DCAF6: variants seen among roughly 807,000 people sequenced by gnomAD.
DCAF6 encodes the protein DDB1- and CUL4-associated factor 6.
A neutral mutation model predicts 125.1 loss-of-function variants in DCAF6; 54 were observed. The observed-to-expected ratio is 0.43, with a 90% CI of 0.35 to 0.54. The LOEUF is 0.54. Among genes scored for constraint, DCAF6 ranks in the 20% least tolerant of loss-of-function variants. The pLI is 0.01. For synonymous variants in DCAF6, 371 were observed against 390.4 expected (o/e 0.95, Z 0.58); for missense variants, 934 against 1,161.7 (o/e 0.80, Z 2.85).
chr1:167,956,861 A>G (rs576241461), intron 2 of DCAF6, among the ~76,000 whole-genome samples: 4 of 152,142 alleles, frequency 2.6e-5, no homozygotes, highest in South Asian at 2.1e-4. Context: ...TAGTTTTCCA[A>G]CGTATCTTTA....
At chr1:167,964,563 A>C (rs570718129) in intron 2 of DCAF6, among the ~76,000 whole-genome samples, 2 of 152,260 alleles carry the variant, frequency 1.3e-5, no homozygotes, top group African/African-American at 4.8e-5. Flanking sequence ...CTCTGAGCTT[A>C]CTGGATCTAT....
chr1:168,023,968 T>C (rs955047633), intron 12 of DCAF6: 5 of 151,926 alleles, frequency 3.3e-5, no homozygotes, highest in Admixed American at 2.6e-4. Context: ...TAATCCCAGC[T>C]ACTTGGGAGG....
chr1:168,063,828 T>C (rs1691929763), intron 18 of DCAF6, 69 bp downstream of exon 18: 3 of 1,457,782 alleles, frequency 2.1e-6, no homozygotes, highest in Non-Finnish European at 2.8e-6. Flanking sequence ...TCCATAATGA[T>C]TTATCTTCAT....
At chr1:167,887,815 A>G in the DCAF6 span, among the ~76,000 whole-genome samples, 1 of 150,928 alleles carries the variant, frequency 6.6e-6, no homozygotes, top group Non-Finnish European at 1.5e-5. Flanking sequence ...CCATCTGTCC[A>G]TTTTTGCTTT....
chr1:168,012,093 G>A (rs1684376256), intron 10 of DCAF6, among the ~76,000 whole-genome samples: 1 of 152,184 alleles, frequency 6.6e-6, no homozygotes, highest in African/African-American at 2.4e-5. Context: ...ACCAGTCCCA[G>A]GAGAAAAAAT....
At chr1:168,043,653 T>A (rs951698674) in intron 14 of DCAF6, among the ~76,000 whole-genome samples, 2 of 152,148 alleles carry the variant, frequency 1.3e-5, no homozygotes, top group Non-Finnish European at 2.9e-5. Context: ...ACACAGTAGA[T>A]GTTCAATAAA....
chr1:167,950,125 A>C (rs553365212), intron 1 of DCAF6, among the ~76,000 whole-genome samples: 2 of 152,314 alleles, frequency 1.3e-5, no homozygotes, highest in Admixed American at 6.5e-5. Flanking sequence ...TTTTCTCCAG[A>C]CTGAAGTGGC....
intron 2 of DCAF6, among the ~76,000 whole-genome samples, chr1:167,959,363 C>T (rs544634272): frequency 1.3e-5 from 2 of 152,302 alleles, no homozygotes; most frequent in South Asian, 4.1e-4. Flanking sequence ...TTGGTGTGCA[C>T]ATACGTTTAC....
At chr1:167,878,271 T>A in the DCAF6 span, among the ~76,000 whole-genome samples, 1 of 152,178 alleles carries the variant, frequency 6.6e-6, no homozygotes, top group Admixed American at 6.5e-5. Context: ...CATGCCATAG[T>A]GTCAGTCAGA....
At chr1:168,003,581 G>A (rs1358636030) in intron 8 of DCAF6, among the ~76,000 whole-genome samples, 1 of 152,074 alleles carries the variant, frequency 6.6e-6, no homozygotes, top group Non-Finnish European at 1.5e-5. Context: ...TTTAGGTTGA[G>A]GTAGGAAGTG....
chr1:167,891,655 CAAAAA>C, the DCAF6 span, among the ~76,000 whole-genome samples: 1 of 107,712 alleles, frequency 9.3e-6, no homozygotes. Flanking sequence ...GACTCTGTCT[CAAAAA>C]AAAAAAAAAA....
At chr1:167,924,393 C>T in the DCAF6 span, 1 of 925,122 alleles carries the variant, frequency 1.1e-6, no homozygotes, top group South Asian at 1.7e-5. Flanking sequence ...AGAGGCATAC[C>T]AAGAATACTC....
At chr1:168,011,823 A>G (rs1165319783) in intron 10 of DCAF6, among the ~76,000 whole-genome samples, 3 of 152,072 alleles carry the variant, frequency 2.0e-5, no homozygotes, top group South Asian at 2.1e-4. Context: ...ACCAAAATAA[A>G]TTTGTTGTGC....
chr1:168,004,577 T>C lies in DCAF6; in HGVS notation c.1162T>C (p.Ser388Pro). 6.2e-7 allele frequency: 1 copy of C among 1,612,290 alleles called. No homozygotes were observed. Among genetic ancestry groups the C allele is most frequent in the Non-Finnish European group, 8.5e-7 (1 of 1,178,980 alleles). The change falls in exon 10 of 22, where the codon TCA (serine) becomes CCA (proline). Residue 388 changes from serine to proline, a missense_variant. Transcript: ENST00000367840. ...TATTTCAACTCTTCCTACGGTCCCA[T>C]CAAGTCCTGATTTGGAAGTGAGTGA... is the stretch of plus-strand genomic sequence containing the variant. ...SDISTLPTVP[S>P]SPDLEVSETA...
the DCAF6 span, chr1:167,901,633 G>A: frequency 2.2e-5 from 36 of 1,610,508 alleles, no homozygotes; most frequent in Middle Eastern, 3.3e-4. Context: ...CCCAGCTGCC[G>A]TAGGATTTAT....
chr1:168,039,759 T>C (rs1397193530), intron 13 of DCAF6, among the ~76,000 whole-genome samples: 1 of 149,114 alleles, frequency 6.7e-6, no homozygotes, highest in Non-Finnish European at 1.5e-5. Flanking sequence ...TATAATATAG[T>C]TATGTATTGT....
the DCAF6 span, among the ~76,000 whole-genome samples, chr1:167,866,269 CT>C: frequency 6.6e-6 from 1 of 152,124 alleles, no homozygotes; most frequent in Non-Finnish European, 1.5e-5. Context: ...GAGAAGCCCC[CT>C]TATAGGTCTT....
intron 17 of DCAF6, among the ~76,000 whole-genome samples, chr1:168,052,233 C>CA (rs1391623829): frequency 6.6e-6 from 1 of 152,166 alleles, no homozygotes; most frequent in Non-Finnish European, 1.5e-5. Flanking sequence ...GAATTTGCTT[C>CA]AGAGTTTTTT....
At chr1:167,959,630 G>A (rs190334935) in intron 2 of DCAF6, among the ~76,000 whole-genome samples, 6 of 152,324 alleles carry the variant, frequency 3.9e-5, no homozygotes, top group Non-Finnish European at 8.8e-5. Context: ...TGATAACATA[G>A]GATGTGGATT....
Sources: gnomAD v4.1 joint callset for allele counts (sites outside exome capture counted in the v4.1 genomes callset) on GRCh38, gnomAD v4.1.1 for gene constraint, MANE v1.5 for transcripts, NCBI Gene and HGNC (gene_info 2026-07-23, HGNC 2026-07-21) for gene names.